AP4E1: variants seen among roughly 807,000 people sequenced by gnomAD.
The protein encoded by AP4E1 is adaptor related protein complex 4 subunit epsilon 1, also known as AP-4 complex subunit epsilon-1.
In AP4E1, 56 loss-of-function variants were observed where a neutral mutation model predicts 128.2. That is an observed-to-expected ratio of 0.44 (90% CI 0.35 to 0.55). The LOEUF (loss-of-function observed/expected upper bound fraction) is 0.55, where lower values mean the gene tolerates loss of function less well. AP4E1 is among the 20% of genes least tolerant of loss of function. The pLI, the probability that AP4E1 is intolerant of heterozygous loss-of-function variation, is 0.00. For missense variants in AP4E1, 1,324 were observed against 1,307.7 expected, an observed-to-expected ratio of 1.01 and a Z score of -0.19; for synonymous variants, 484 against 473.1, an observed-to-expected ratio of 1.02 and a Z score of -0.30.
intron 3 of AP4E1, among the ~76,000 whole-genome samples, chr15:50,917,203 T>C (rs117452505): frequency 0.012 from 1,859 of 152,340 alleles, 17 homozygotes; most frequent in Non-Finnish European, 0.019. Context: ...TTGTTGAGCA[T>C]TTTGAGAAAA....
chr15:50,964,955 C>CCCCACACACACACACACACACA lies in AP4E1; in HGVS notation c.1852-3307_1852-3306insCCACACACACACACACACACAC, dbSNP rs1555459128. On this transcript the variant is annotated intron_variant, in intron 14 of 20. Transcript: ENST00000261842. Reference sequence around the variant, plus strand: ...TTGTAAAGTATAACACCTCCCCCTACCACACACACACACACACACACACAC... The same window carrying CCCCACACACACACACACACACA: ...TTGTAAAGTATAACACCTCCCCCTACCCCACACACACACACACACACACACACACACACACACACACACACAC... 1.6e-3 allele frequency among the ~76,000 whole-genome samples: 214 copies of CCCCACACACACACACACACACA among 131,448 alleles called. 1 individual carries two copies. Among genetic ancestry groups the CCCCACACACACACACACACACA allele is most frequent in the African/African-American group, 2.7e-3 (91 of 33,200 alleles). 86.2% of individuals were successfully genotyped at this position (131,448 alleles called of 152,430 possible). A position where few individuals can be genotyped will look rare whatever the true frequency, so the allele number is the denominator to read the frequency against.
At chr15:50,908,519 G>A, upstream of AP4E1, 2 of 405,506 alleles carry the variant, frequency 4.9e-6, no homozygotes, top group Admixed American at 4.8e-5. Flanking sequence ...TTCCGGAACC[G>A]CTACCCCGTC....
At chr15:50,915,649 A>C in intron 3 of AP4E1, 78 bp downstream of exon 3, 1 of 1,479,202 alleles carries the variant, frequency 6.8e-7, no homozygotes, top group Non-Finnish European at 9.4e-7. Flanking sequence ...GAATGATGGC[A>C]TGTATATAGT....
intron 10 of AP4E1, among the ~76,000 whole-genome samples, chr15:50,947,599 T>G (rs1030014155): frequency 1.1e-4 from 16 of 152,186 alleles, no homozygotes; most frequent in African/African-American, 3.9e-4. Context: ...TGCTGTCTTC[T>G]GTAGCATGGG....
chr15:51,002,421 A>C, intron 20 of AP4E1, 81 bp from the exon 21 acceptor site: 1 of 1,458,072 alleles, frequency 6.9e-7, no homozygotes, highest in Non-Finnish European at 9.6e-7. Flanking sequence ...TGTGCTTATT[A>C]GCCATTTGTG....
intron 15 of AP4E1, among the ~76,000 whole-genome samples, chr15:50,978,275 A>G (rs1224400180): frequency 6.6e-6 from 1 of 152,202 alleles, no homozygotes; most frequent in African/African-American, 2.4e-5. Context: ...CCAACACTAG[A>G]TAACCAGAAA....
intron 13 of AP4E1, among the ~76,000 whole-genome samples, chr15:50,957,893 T>C (rs2064251513): frequency 6.6e-6 from 1 of 151,920 alleles, no homozygotes; most frequent in Non-Finnish European, 1.5e-5. Context: ...TCCAGGCTGG[T>C]TTCAAACTCC....
intron 10 of AP4E1, chr15:50,945,599 A>C (rs2064049075): frequency 4.0e-6 from 3 of 750,928 alleles, no homozygotes; most frequent in Non-Finnish European, 7.3e-6. Flanking sequence ...CCTATAGACA[A>C]AAGTTGAAGC....
chr15:50,971,299 G>C (rs74595855), intron 15 of AP4E1, among the ~76,000 whole-genome samples: 1,660 of 152,070 alleles, frequency 0.011, 28 homozygotes, highest in African/African-American at 0.039. Flanking sequence ...TAAGGTTTCT[G>C]CTGAGAAATC....
chr15:50,925,142 T>G lies in AP4E1; in HGVS notation c.465T>G (p.Thr155=). 2 of 1,614,038 alleles carry G rather than the reference T, an allele frequency of 1.2e-6. No homozygotes were observed. Among genetic ancestry groups the G allele is most frequent in the Non-Finnish European group, 1.7e-6 (2 of 1,179,912 alleles). ...TNLVEVCMAL[T]VVSQIFPCEM... is the part of the protein sequence containing the mutation. ...TAGTAGAAGTGTGTATGGCACTGAC[T>G]GTTGTTAGCCAGATTTTCCCCTGCG... Residue 155 remains threonine, a synonymous_variant, in exon 5 of 21, where the codon ACT becomes ACG. Transcript: ENST00000261842.
intron 3 of AP4E1, among the ~76,000 whole-genome samples, chr15:50,919,974 G>T (rs1270529857): frequency 4.6e-5 from 7 of 151,228 alleles, no homozygotes; most frequent in Non-Finnish European, 5.9e-5. Flanking sequence ...CTACTTGGGA[G>T]GCTGGGGTCA....
At chr15:50,908,575 CT>C, upstream of AP4E1, 6 of 596,044 alleles carry the variant, frequency 1.0e-5, no homozygotes, top group East Asian at 3.6e-5. Context: ...AGCGAGCGGC[CT>C]TTTCCACCCC....
chr15:50,964,471 A>G (rs189754418), intron 14 of AP4E1, among the ~76,000 whole-genome samples: 15 of 145,422 alleles, frequency 1.0e-4, no homozygotes, highest in African/African-American at 3.6e-4. Context: ...AGCATTTTAT[A>G]TATTTCCTTT....
rs139022614 is a variant in AP4E1 at position 50,958,700 on chromosome 15, T to C, written c.1757T>C (p.Met586Thr). 9.7e-5 allele frequency: 157 copies of C among 1,614,034 alleles called. 3 individuals are homozygous for C. In the Middle Eastern group the frequency reaches 2.1e-3, roughly 22 times the overall value. Residue 586 changes from methionine (M) to threonine (T), a missense_variant, in exon 14 of 21, where the codon ATG becomes ACG. Coordinates refer to ENST00000261842, the MANE Select transcript of AP4E1 (RefSeq NM_007347.5). ...HEFTISLDTC[M>T]RQHAFELKHL... ...TTTACCATATCTTTGGATACTTGTA[T>C]GAGACAACATGCATTTGAATTAAAA...
At chr15:50,916,686 C>T (rs1055684104) in intron 3 of AP4E1, among the ~76,000 whole-genome samples, 19 of 152,174 alleles carry the variant, frequency 1.2e-4, no homozygotes, top group African/African-American at 4.1e-4. Context: ...AACCCTACTC[C>T]GCCCAAAACA....
chr15:50,911,250 GA>G (rs1270115398), intron 1 of AP4E1, among the ~76,000 whole-genome samples: 3 of 152,142 alleles, frequency 2.0e-5, no homozygotes, highest in Non-Finnish European at 4.4e-5. Flanking sequence ...CAGTAGGAGT[GA>G]CCACATTGGT....
intron 4 of AP4E1, 82 bp from the exon 5 acceptor site, chr15:50,925,016 A>C: frequency 6.6e-7 from 1 of 1,504,014 alleles, no homozygotes; most frequent in African/African-American, 1.4e-5. Flanking sequence ...TACTAAGTAT[A>C]TAGGACCATT....
At position 50,908,904 on chromosome 15, in the gene AP4E1, C is replaced by T; in HGVS notation, c.126C>T (p.Gly42=). ...CGAGGCTGGGCAGCCTTGTCCGCGG[C>T]ATCACAGCCCTCACCTCCAAGCACG... is the stretch of plus-strand genomic sequence containing the variant. ...FSSRLGSLVR[G]ITALTSKHEE... The change falls in exon 1 of 21, where the codon GGC becomes GGT. Residue 42 remains glycine (G), a synonymous_variant. Coordinates refer to ENST00000261842, the MANE Select transcript of AP4E1 (RefSeq NM_007347.5). The T allele has an allele frequency of 6.2e-7, 1 of 1,610,854 alleles. No individual in the cohort carries two copies. Among genetic ancestry groups the T allele is most frequent in the African/African-American group, 1.3e-5 (1 of 75,036 alleles).
intron 15 of AP4E1, among the ~76,000 whole-genome samples, chr15:50,982,917 A>C (rs1405984790): frequency 1.3e-5 from 2 of 152,186 alleles, no homozygotes; most frequent in Non-Finnish European, 2.9e-5. Flanking sequence ...CAGTTTCCTC[A>C]TTTGTAAAAT....
Sources: gnomAD v4.1 joint callset for allele counts (sites outside exome capture counted in the v4.1 genomes callset) on GRCh38, gnomAD v4.1.1 for gene constraint, MANE v1.5 for transcripts, NCBI Gene and HGNC (gene_info 2026-07-23, HGNC 2026-07-21) for gene names.